The following KIAA1217 variants were observed in gnomAD, a reference collection of about 807,000 sequenced individuals.
KIAA1217 encodes the protein sickle tail protein homolog.
In KIAA1217, 88 loss-of-function variants were observed where a neutral mutation model predicts 163.9. The ratio of observed to expected loss-of-function variants is 0.54; its 90% CI spans 0.45 to 0.64. The LOEUF (loss-of-function observed/expected upper bound fraction) is 0.64. Ranked by LOEUF, KIAA1217 falls within the 30% of genes least tolerant of loss-of-function variation. The pLI is 0.00. For missense variants in KIAA1217, 2,372 were observed against 2,475.0 expected (o/e 0.96, Z 0.88); for synonymous variants, 903 against 923.1 (o/e 0.98, Z 0.39).
chr10:24,366,131 G>GT (rs1488091069), intron 2 of KIAA1217, among the ~76,000 whole-genome samples: 1 of 152,104 alleles, frequency 6.6e-6, no homozygotes, highest in East Asian at 1.9e-4. Context: ...TCACTGCCAT[G>GT]TTTTTTTAAA....
intron 2 of KIAA1217, among the ~76,000 whole-genome samples, chr10:24,074,689 CTCT>C (rs1293454859): frequency 2.8e-5 from 4 of 140,968 alleles, no homozygotes; most frequent in African/African-American, 7.9e-5. Flanking sequence ...CTTCCTCTTC[CTCT>C]TCTTCTTCTT....
At chr10:23,744,589 A>C (rs1839294048) in intron 1 of KIAA1217, among the ~76,000 whole-genome samples, 1 of 152,214 alleles carries the variant, frequency 6.6e-6, no homozygotes, top group Admixed American at 6.5e-5. Context: ...AGCCCTGGGA[A>C]GTACGTGGAA....
intron 6 of KIAA1217, chr10:24,482,314 C>G (rs970148705): frequency 1.3e-5 from 2 of 152,214 alleles, no homozygotes; most frequent in African/African-American, 4.8e-5. Context: ...ATCAGAAGCC[C>G]TAAGTCTGAG....
chr10:23,720,084 A>T (rs963173968), intron 1 of KIAA1217, among the ~76,000 whole-genome samples: 1 of 151,882 alleles, frequency 6.6e-6, no homozygotes, highest in African/African-American at 2.4e-5. Context: ...TATGATGGAA[A>T]TATTTTGCAA....
chr10:24,205,105 G>A (rs1490689659), upstream of KIAA1217, among the ~76,000 whole-genome samples: 2 of 151,962 alleles, frequency 1.3e-5, no homozygotes, highest in Non-Finnish European at 2.9e-5. Flanking sequence ...TATTAAATAT[G>A]TATCAGGGCA....
chr10:24,029,977 C>T (rs1848125718), intron 2 of KIAA1217, among the ~76,000 whole-genome samples: 1 of 152,118 alleles, frequency 6.6e-6, no homozygotes, highest in Non-Finnish European at 1.5e-5. Context: ...TGACTCTGGC[C>T]ATCTTAAACC....
rs74524452 is a variant in KIAA1217 at position 23,983,776 on chromosome 10, C to G, written c.-320-23449C>G. ...ACCCACATGCAGAATACATTCACCTCCATGCTAAGACTCCAAAAAGTTTCA... is the reference window on the plus strand; with the variant it reads ...ACCCACATGCAGAATACATTCACCTGCATGCTAAGACTCCAAAAAGTTTCA... On this transcript the variant is annotated intron_variant, in intron 1 of 18. Transcript: ENST00000376462. 6.3e-3 allele frequency among the ~76,000 whole-genome samples: 954 copies of G among 152,300 alleles called. 17 individuals are homozygous for G. Among genetic ancestry groups the G allele is most frequent in the African/African-American group, 0.022 (903 of 41,560 alleles).
intron 3 of KIAA1217, among the ~76,000 whole-genome samples, chr10:24,429,746 A>C (rs958937996): frequency 6.6e-6 from 1 of 152,118 alleles, no homozygotes; most frequent in African/African-American, 2.4e-5. Context: ...GGAGTCAGTT[A>C]ATGTAAGAGG....
chr10:24,324,471 G>A (rs11014029), intron 2 of KIAA1217, among the ~76,000 whole-genome samples: 10,856 of 152,124 alleles, frequency 0.071, 533 homozygotes, highest in East Asian at 0.2. Context: ...GGAGGCTAAG[G>A]CAGGAGAATT....
chr10:24,385,853 G>A (rs1224745509), intron 3 of KIAA1217, among the ~76,000 whole-genome samples: 1 of 152,160 alleles, frequency 6.6e-6, no homozygotes, highest in African/African-American at 2.4e-5. Flanking sequence ...ATGAAAAATG[G>A]TCGGGCTGAT....
chr10:24,516,804 C>T (rs1444543984), intron 10 of KIAA1217, among the ~76,000 whole-genome samples: 1 of 152,146 alleles, frequency 6.6e-6, no homozygotes, highest in African/African-American at 2.4e-5. Context: ...TGCAAAACGT[C>T]CTATGGTATT....
chr10:23,841,410 C>A (rs1588925354), intron 1 of KIAA1217, among the ~76,000 whole-genome samples: 1 of 152,248 alleles, frequency 6.6e-6, no homozygotes, highest in East Asian at 1.9e-4. Context: ...CCTCGATGCA[C>A]ATAAATACTA....
intron 1 of KIAA1217, among the ~76,000 whole-genome samples, chr10:23,837,376 A>T (rs1838525049): frequency 6.6e-6 from 1 of 152,150 alleles, no homozygotes; most frequent in Non-Finnish European, 1.5e-5. Flanking sequence ...GGATGACTTC[A>T]ATGTCCAGAG....
intron 2 of KIAA1217, among the ~76,000 whole-genome samples, chr10:24,153,276 G>C (rs2064709679): frequency 6.6e-6 from 1 of 152,226 alleles, no homozygotes; most frequent in African/African-American, 2.4e-5. Context: ...CAGCCGGGAA[G>C]GGTTAGTTTA....
rs145860240 is a variant in KIAA1217, at chr10:24,498,729, G to A, written c.1835-2650G>A. ...CCAGCTTTGGAAGGCTGATGTGGGA[G>A]GATCACCTGAGACCAGGAAGGTTGA... is the stretch of plus-strand genomic sequence containing the variant. On this transcript the variant is annotated intron_variant, in intron 8 of 20. Coordinates refer to ENST00000376454, the MANE Select transcript of KIAA1217 (RefSeq NM_019590.5). Among the ~76,000 whole-genome samples, 8 of 152,280 alleles carry A rather than the reference G, an allele frequency of 5.3e-5. No homozygotes were observed. In the East Asian group the frequency reaches 1.5e-3, roughly 29 times the overall value.
At chr10:24,462,150 G>T (rs1428366011) in intron 5 of KIAA1217, among the ~76,000 whole-genome samples, 1 of 151,008 alleles carries the variant, frequency 6.6e-6, no homozygotes, top group Non-Finnish European at 1.5e-5. Flanking sequence ...GTATATATAA[G>T]TATAATATAT....
chr10:24,095,617 G>A (rs1166596404), intron 2 of KIAA1217, among the ~76,000 whole-genome samples: 2 of 151,934 alleles, frequency 1.3e-5, no homozygotes, highest in Non-Finnish European at 2.9e-5. Flanking sequence ...TCAGACCCAG[G>A]CCACTCTCTC....
chr10:23,930,010 A>G (rs1286102816), intron 1 of KIAA1217, among the ~76,000 whole-genome samples: 2 of 152,202 alleles, frequency 1.3e-5, no homozygotes, highest in Non-Finnish European at 2.9e-5. Flanking sequence ...CTAATAGTGT[A>G]TAAGCATTCT....
chr10:23,728,054 G>A (rs570952887), intron 1 of KIAA1217, among the ~76,000 whole-genome samples: 1 of 152,220 alleles, frequency 6.6e-6, no homozygotes, highest in Admixed American at 6.5e-5. Flanking sequence ...TCATTGATGG[G>A]CATTTGGGTT....
Sources: allele counts gnomAD v4.1 joint callset (sites outside exome capture counted in the v4.1 genomes callset), GRCh38; gene constraint gnomAD v4.1.1; transcripts MANE v1.5; gene names NCBI Gene and HGNC (gene_info 2026-07-23, HGNC 2026-07-21).